Variants in CCDC154 observed in about 807,000 individuals in gnomAD.
CCDC154 encodes the protein coiled-coil domain containing 154.
A neutral mutation model predicts 87.5 loss-of-function variants in CCDC154; 91 were observed. The observed-to-expected ratio is 1.04, with a 90% CI of 0.88 to 1.24. CCDC154 has a LOEUF of 1.24. Among genes scored for constraint, CCDC154 ranks in the 50% most tolerant of loss-of-function variants. CCDC154 has a pLI of 0.00. For synonymous variants in CCDC154, 418 were observed against 400.4 expected (o/e 1.04, Z -0.52); for missense variants, 903 against 879.2 (o/e 1.03, Z -0.34).
chr16:1,441,786 T>C (rs911936026), intron 6 of CCDC154, among the ~76,000 whole-genome samples: 1 of 152,140 alleles, frequency 6.6e-6, no homozygotes, highest in Non-Finnish European at 1.5e-5. Context: ...TGAGCTTTTT[T>C]TTGAGATGAG....
chr16:1,442,951 C>T lies in CCDC154; in HGVS notation c.480G>A (p.Leu160=). 1 of 1,550,036 alleles carries T rather than the reference C, an allele frequency of 6.5e-7. No individual in the cohort carries two copies. The highest frequency in any genetic ancestry group is 8.7e-7 in the Non-Finnish European group (1 of 1,146,836). ...DKRLVEVREA[L]TRLRRRQVQQ... ...GCACCTGCCTCCTCCTGAGCCGGGT[C>T]AAGGCTTCCCGGACCTCCACCAGCC... The change falls in exon 5 of 17, where the codon TTG becomes TTA. Residue 160 remains leucine (L), a synonymous_variant. Coordinates refer to ENST00000389176, the MANE Select transcript of CCDC154 (RefSeq NM_001143980.3).
In CCDC154 at chr16:1,443,041, C is replaced by T. The variant is rs1486620117; in HGVS notation, c.456-66G>A. On this transcript the variant is annotated intron_variant, in intron 4 of 16. Coordinates refer to ENST00000389176, the MANE Select transcript of CCDC154 (RefSeq NM_001143980.3). ...TGAGCAGCCTCGGCGGGCTGGGGGT[C>T]TGGCCAAGGGGCCCCTGTGGCCACC... is the stretch of plus-strand genomic sequence containing the variant. 4 of 1,529,484 alleles carry T rather than the reference C, an allele frequency of 2.6e-6. No individual in the cohort carries two copies. The Admixed American group carries it at 7.9e-5, about 30-fold the overall frequency. 94.7% of individuals were successfully genotyped at this position (1,529,484 alleles called of 1,614,324 possible).
rs1468581588 is a variant in CCDC154 at position 1,435,425 on chromosome 16, C to G, written c.1606-250G>C. On this transcript the variant is annotated intron_variant, in intron 14 of 16. Transcript: ENST00000389176. ...CGGCCCTCGTGGCTGCGGACGGCAC[C>G]CCGGTGTGGGGGCTCCAGGCAGGTG... 5 of 556,784 alleles carry G rather than the reference C, an allele frequency of 9.0e-6. No individual in the cohort carries two copies. In the African/African-American group the frequency reaches 9.5e-5, roughly 11 times the overall value. 34.5% of individuals were successfully genotyped at this position (556,784 alleles called of 1,614,324 possible).
chr16:1,437,613 C>A (rs1187831873), intron 11 of CCDC154: 2 of 589,626 alleles, frequency 3.4e-6, no homozygotes, highest in South Asian at 3.2e-5. Context: ...AGATGCTGGG[C>A]CGAGGCTGCT....
At chr16:1,436,544 C>T (rs1279601721) in intron 12 of CCDC154, 23 bp from the exon 13 acceptor site, 13 of 1,547,594 alleles carry the variant, frequency 8.4e-6, no homozygotes, top group Admixed American at 5.9e-5. Context: ...CCGGGAGCGG[C>T]GGGCAGCCCC....
chr16:1,436,549 A>G, intron 12 of CCDC154, 28 bp from the exon 13 acceptor site: 1 of 1,547,470 alleles, frequency 6.5e-7, no homozygotes, highest in South Asian at 1.2e-5. Context: ...AGCGGCGGGC[A>G]GCCCCAGGGC....
At chr16:1,434,563 G>GCCCCCCCC in intron 16 of CCDC154, 29 bp from the exon 17 acceptor site, 2 of 1,519,188 alleles carry the variant, frequency 1.3e-6, no homozygotes, top group Non-Finnish European at 8.8e-7. Context: ...CATGGCCCCT[G>GCCCCCCCC]CACCCCCGCC....
At chr16:1,443,743 C>T (rs760226474) in intron 2 of CCDC154, 48 bp from the exon 3 acceptor site, 68 of 1,302,364 alleles carry the variant, frequency 5.2e-5, no homozygotes, top group Admixed American at 9.2e-5. Flanking sequence ...GCCGTGGAGG[C>T]GGAGGCGGCG....
Position 1,438,669 on chromosome 16 carries a change from C to T in CCDC154, c.975G>A (p.Gln325=). 6.5e-7 allele frequency: 1 copy of T among 1,550,038 alleles called. No homozygotes were observed. The highest frequency in any genetic ancestry group is 2.4e-5 in the East Asian group (1 of 40,920). ...AAVAQLTKFV[Q]QNQASLNRVL... ...CACGGTTCAGCGACGCCTGGTTCTG[C>T]TGCACAAACTTGGTCAGCTGGGCCA... The change falls in exon 9 of 17, where the codon CAG becomes CAA. Residue 325 remains glutamine, a synonymous_variant. Coordinates refer to ENST00000389176, the MANE Select transcript of CCDC154 (RefSeq NM_001143980.3).
chr16:1,435,160 T>A lies in CCDC154; in HGVS notation c.1621A>T (p.Met541Leu). Reference protein sequence around the residue: ...GKLATFQNQIMKLENCVQANK... With the variant: ...GKLATFQNQILKLENCVQANK... The stretch of plus-strand genomic sequence containing the variant: ...GCCTGGACGCAGTTTTCCAGCTTCA[T>A]TATTTGGTTCTGAAACTAAACATGG... Residue 541 changes from methionine to leucine, a missense_variant, in exon 15 of 17, where the codon ATG becomes TTG. Transcript: ENST00000389176. 1 of 1,550,570 alleles carries A rather than the reference T, an allele frequency of 6.4e-7. No homozygotes were observed. Among genetic ancestry groups the A allele is most frequent in the Non-Finnish European group, 8.7e-7 (1 of 1,146,862 alleles).
In CCDC154 at chr16:1,444,433, TC is replaced by T; in HGVS notation, c.-112del. 1 of 1,120,306 alleles carries T rather than the reference TC, an allele frequency of 8.9e-7. No homozygotes were observed. Among genetic ancestry groups the T allele is most frequent in the Non-Finnish European group, 1.2e-6 (1 of 859,796 alleles). 69.4% of individuals were successfully genotyped at this position (1,120,306 alleles called of 1,614,324 possible). ...CAGGGGGGTCAGGAGCCAGAGGAAG[TC>T]CCGTGAGAGCTCTGGGCCTTGAGGG... On this transcript the variant is annotated 5_prime_UTR_variant, in exon 1 of 17. Coordinates refer to ENST00000389176, the MANE Select transcript of CCDC154 (RefSeq NM_001143980.3).
intron 5 of CCDC154, 63 bp downstream of exon 5, chr16:1,442,817 G>T: frequency 6.8e-7 from 1 of 1,468,108 alleles, no homozygotes; most frequent in Non-Finnish European, 9.2e-7. Context: ...TCTTGGCTCA[G>T]CCAGGGACTC....
Position 1,443,672 on chromosome 16 carries a change from A to T in CCDC154, c.248T>A (p.Val83Glu), listed in dbSNP as rs980198269. 3.3e-5 allele frequency: 43 copies of T among 1,296,434 alleles called. No individual in the cohort carries two copies. Among genetic ancestry groups the T allele is most frequent in the Non-Finnish European group, 4.2e-5 (42 of 1,000,200 alleles). The allele number at this position is 1,296,434 out of a possible 1,614,324, so 80.3% of individuals were successfully genotyped here. Residue 83 changes from valine to glutamate, a missense_variant, in exon 3 of 17, where the codon GTG becomes GAG. Physicochemically the swap from Val to Glu is moderately radical, Grantham distance 121 (BLOSUM62 -2). Coordinates refer to ENST00000389176, the MANE Select transcript of CCDC154 (RefSeq NM_001143980.3). Reference sequence around the variant, plus strand: ...CTGCTTGTGCTCCCGCAGGCAGGCCACCTCGGCCTGCAGCTCCACCACCCT... The same window carrying T: ...CTGCTTGTGCTCCCGCAGGCAGGCCTCCTCGGCCTGCAGCTCCACCACCCT... ...EQWVVELQAE[V>E]ACLREHKQRC...
intron 2 of CCDC154, 50 bp downstream of exon 2, chr16:1,443,746 A>C (rs1000145429): frequency 3.1e-6 from 4 of 1,303,090 alleles, no homozygotes; most frequent in African/African-American, 3.0e-5. Flanking sequence ...GTGGAGGCGG[A>C]GGCGGCGGCG....
intron 11 of CCDC154, chr16:1,437,024 C>T (rs1388746587): frequency 6.1e-6 from 4 of 650,606 alleles, no homozygotes; most frequent in Non-Finnish European, 1.0e-5. Context: ...AGCCGAGGGC[C>T]CGTGGGGGCT....
At chr16:1,439,226 T>A in intron 6 of CCDC154, 100 bp from the exon 7 acceptor site, 1 of 1,096,418 alleles carries the variant, frequency 9.1e-7, no homozygotes, top group Non-Finnish European at 1.3e-6. Context: ...TCCCCTGCTG[T>A]CCCCAAGCCC....
chr16:1,436,296 G>C, intron 13 of CCDC154, 149 bp downstream of exon 13: 2 of 842,780 alleles, frequency 2.4e-6, no homozygotes, highest in Non-Finnish European at 3.7e-6. Context: ...CAGGGTGGCA[G>C]GGTGAGCCCG....
chr16:1,443,194 C>A (rs921001103), intron 4 of CCDC154, 67 bp downstream of exon 4: 244 of 1,526,562 alleles, frequency 1.6e-4, no homozygotes, highest in Admixed American at 3.8e-4. Context: ...CCCCACCACA[C>A]CTGCCGCTGC....
intron 13 of CCDC154, 41 bp from the exon 14 acceptor site, chr16:1,436,127 C>T (rs1304241175): frequency 9.9e-6 from 15 of 1,510,352 alleles, no homozygotes; most frequent in East Asian, 2.5e-5. Flanking sequence ...CGGGTGTGCT[C>T]GGGGGTAGGG....
Sources: gnomAD v4.1 joint callset for allele counts (sites outside exome capture counted in the v4.1 genomes callset) on GRCh38, gnomAD v4.1.1 for gene constraint, MANE v1.5 for transcripts, NCBI Gene and HGNC (gene_info 2026-07-23, HGNC 2026-07-21) for gene names.